The following ADGRV1 variants were observed in gnomAD, a reference collection of about 807,000 sequenced individuals.
ADGRV1 encodes G-protein coupled receptor 98.
ADGRV1 carries 359 observed loss-of-function variants against 596.2 expected under a neutral mutation model. The observed-to-expected ratio is 0.60, with a 90% CI of 0.55 to 0.66. ADGRV1 has a LOEUF of 0.66. Ranked by LOEUF, ADGRV1 falls within the 30% of genes least tolerant of loss-of-function variation. ADGRV1 has a pLI of 0.00. For missense variants in ADGRV1, 7,274 were observed against 7,575.6 expected (o/e 0.96, Z 1.48); for synonymous variants, 2,681 against 2,679.2 (o/e 1.00, Z -0.02).
chr5:90,958,283 C>CA (rs34676985), intron 83 of ADGRV1, among the ~76,000 whole-genome samples: 9,176 of 72,734 alleles, frequency 0.13, 636 homozygotes, highest in Middle Eastern at 0.19. Flanking sequence ...GACCTTGTCT[C>CA]AAAAAAAAAA....
chr5:91,057,123 A>C (rs2151331300), intron 85 of ADGRV1, among the ~76,000 whole-genome samples: 1 of 152,354 alleles, frequency 6.6e-6, no homozygotes. Flanking sequence ...TAGGCCAACT[A>C]TATGAGTAAG....
intron 83 of ADGRV1, among the ~76,000 whole-genome samples, chr5:90,940,757 G>A (rs1478009240): frequency 1.3e-5 from 2 of 152,058 alleles, no homozygotes; most frequent in African/African-American, 4.8e-5. Flanking sequence ...AGTTAGTAGT[G>A]ACACAGAGAA....
chr5:90,947,774 T>A (rs1776710378), intron 83 of ADGRV1, among the ~76,000 whole-genome samples: 1 of 152,156 alleles, frequency 6.6e-6, no homozygotes, highest in African/African-American at 2.4e-5. Context: ...GAATAATTTT[T>A]CAGAGTGAAA....
chr5:90,644,398 G>A (rs964056495), intron 14 of ADGRV1, among the ~76,000 whole-genome samples: 1 of 152,196 alleles, frequency 6.6e-6, no homozygotes, highest in Non-Finnish European at 1.5e-5. Context: ...GCTTTTAGCA[G>A]ATATCCTTAC....
intron 85 of ADGRV1, among the ~76,000 whole-genome samples, chr5:91,003,779 A>C (rs1203913959): frequency 1.3e-5 from 2 of 152,212 alleles, no homozygotes; most frequent in Non-Finnish European, 2.9e-5. Flanking sequence ...AATAATTTTA[A>C]AGAAAAATAT....
At chr5:90,810,146 A>G (rs1367797879) in intron 73 of ADGRV1, 87 bp from the exon 74 acceptor site, 15 of 1,109,674 alleles carry the variant, frequency 1.4e-5, no homozygotes, top group Non-Finnish European at 1.8e-5. Flanking sequence ...CATGAGCAGC[A>G]TTTTAAATAT....
chr5:90,795,910 G>T (rs1169847323), intron 70 of ADGRV1, among the ~76,000 whole-genome samples: 1 of 152,230 alleles, frequency 6.6e-6, no homozygotes, highest in Non-Finnish European at 1.5e-5. Context: ...AGAGGGACCT[G>T]ACTGTTAGAA....
chr5:90,989,030 C>A (rs185572414), intron 85 of ADGRV1, among the ~76,000 whole-genome samples: 1 of 151,912 alleles, frequency 6.6e-6, no homozygotes, highest in African/African-American at 2.4e-5. Context: ...TTTCTTAATC[C>A]AGTCTATCAT....
intron 85 of ADGRV1, among the ~76,000 whole-genome samples, chr5:91,002,017 G>C (rs1249920561): frequency 6.6e-6 from 1 of 152,014 alleles, no homozygotes; most frequent in East Asian, 1.9e-4. Flanking sequence ...AGCATTTTGT[G>C]TTAAAGAGAT....
At chr5:91,038,342 A>G (rs755414230) in intron 85 of ADGRV1, among the ~76,000 whole-genome samples, 3 of 152,204 alleles carry the variant, frequency 2.0e-5, no homozygotes, top group Non-Finnish European at 2.9e-5. Flanking sequence ...TCACCTCATT[A>G]TATTAGCATT....
At chr5:90,681,234 G>A (rs1382491070) in intron 26 of ADGRV1, 81 bp from the exon 27 acceptor site, 1 of 1,501,908 alleles carries the variant, frequency 6.7e-7, no homozygotes, top group African/African-American at 1.4e-5. Flanking sequence ...TTTTCAAAAA[G>A]TTGTTCCTTG....
rs1747880411 is a variant in ADGRV1, at chr5:90,701,293, CTTATTT to C, written c.8156-2368_8156-2363del. Among the ~76,000 whole-genome samples the C allele has an allele frequency of 2.6e-5, 4 of 151,990 alleles. No homozygotes were observed. In the South Asian group the frequency reaches 8.3e-4, roughly 31 times the overall value. On this transcript the variant is annotated intron_variant, in intron 34 of 89. Transcript: ENST00000405460. ...TCCCTTAAATTTGGAAGGCTAAGCA[CTTATTT>C]TTAAGTTTTTCATTTTCCTGTGACT...
chr5:90,670,796 CTT>C (rs774510441), intron 21 of ADGRV1, among the ~76,000 whole-genome samples: 2 of 152,202 alleles, frequency 1.3e-5, no homozygotes, highest in Non-Finnish European at 2.9e-5. Context: ...CCCAACCAGA[CTT>C]TATCACTCCA....
At chr5:90,645,528 A>G (rs189163946) in intron 15 of ADGRV1, among the ~76,000 whole-genome samples, 13 of 152,326 alleles carry the variant, frequency 8.5e-5, no homozygotes, top group African/African-American at 2.9e-4. Context: ...TGACCCATGC[A>G]GTTAAAACTT....
intron 86 of ADGRV1, among the ~76,000 whole-genome samples, chr5:91,082,910 C>G (rs1421397160): frequency 1.3e-5 from 2 of 152,112 alleles, no homozygotes; most frequent in Non-Finnish European, 2.9e-5. Context: ...TCAGTGCCTA[C>G]ATAGTTCTTT....
At chr5:90,753,929 CTT>C (rs1581008922) in intron 54 of ADGRV1, 100 bp downstream of exon 54, 3 of 1,237,682 alleles carry the variant, frequency 2.4e-6, no homozygotes, top group East Asian at 5.2e-5. Flanking sequence ...TTTTATATGA[CTT>C]TTTCAGTTTG....
chr5:90,777,836 C>T, intron 61 of ADGRV1, 69 bp from the exon 62 acceptor site: 1 of 1,353,588 alleles, frequency 7.4e-7, no homozygotes. Flanking sequence ...TGTTAAAAGA[C>T]AGAGAAAATG....
At chr5:91,090,620 C>T (rs779015916) in intron 86 of ADGRV1, among the ~76,000 whole-genome samples, 1 of 151,664 alleles carries the variant, frequency 6.6e-6, no homozygotes, top group Non-Finnish European at 1.5e-5. Context: ...CACTTCTCTG[C>T]CTGCAGATCT....
At chr5:90,724,154 TTA>T (rs1380433361) in intron 45 of ADGRV1, among the ~76,000 whole-genome samples, 3 of 152,184 alleles carry the variant, frequency 2.0e-5, no homozygotes, top group Non-Finnish European at 2.9e-5. Context: ...AATTTCTCAG[TTA>T]TATTTTCATC....
Sources: allele counts gnomAD v4.1 joint callset (sites outside exome capture counted in the v4.1 genomes callset), GRCh38; gene constraint gnomAD v4.1.1; transcripts MANE v1.5; gene names NCBI Gene and HGNC (gene_info 2026-07-23, HGNC 2026-07-21).